The following CCDC178 variants were observed in gnomAD, a reference collection of about 807,000 sequenced individuals.
CCDC178 encodes coiled-coil domain-containing protein 178.
CCDC178 carries 126 observed loss-of-function variants against 117.4 expected under a neutral mutation model. That is an observed-to-expected ratio of 1.07 (90% confidence interval 0.93 to 1.24). CCDC178 has a LOEUF of 1.24. Among genes scored for constraint, CCDC178 ranks in the 50% most tolerant of loss-of-function variants. CCDC178 has a pLI of 0.00. For missense variants in CCDC178, 1,030 were observed against 986.9 expected, an observed-to-expected ratio of 1.04 and a Z score of -0.59; for synonymous variants, 283 against 313.4, an observed-to-expected ratio of 0.90 and a Z score of 1.02.
chr18:33,032,653 T>C (rs1255333437), intron 21 of CCDC178, among the ~76,000 whole-genome samples: 1 of 152,062 alleles, frequency 6.6e-6, no homozygotes, highest in African/African-American at 2.4e-5. Flanking sequence ...GGAAGGTTAC[T>C]GAGAAGGATG....
chr18:33,384,358 A>G (rs2063471214), intron 5 of CCDC178, among the ~76,000 whole-genome samples: 1 of 152,136 alleles, frequency 6.6e-6, no homozygotes, highest in Non-Finnish European at 1.5e-5. Flanking sequence ...CAGGAAATCC[A>G]GAGAACTCCA....
intron 17 of CCDC178, among the ~76,000 whole-genome samples, chr18:33,223,798 G>A (rs1298365991): frequency 3.9e-5 from 6 of 152,082 alleles, no homozygotes; most frequent in Non-Finnish European, 5.9e-5. Context: ...GTAAGGGGGA[G>A]CCATCATTAA....
chr18:33,329,874 AGAGTGTGTGTGTGT>A (rs1429624147), intron 10 of CCDC178, among the ~76,000 whole-genome samples: 4 of 75,364 alleles, frequency 5.3e-5, no homozygotes, highest in African/African-American at 1.1e-4. Flanking sequence ...GAGAATTATT[AGAGTGTGTGTGTGT>A]GTGTGTGTGT....
chr18:33,006,105 C>A (rs1289750840), intron 21 of CCDC178, among the ~76,000 whole-genome samples: 1 of 152,000 alleles, frequency 6.6e-6, no homozygotes, highest in Non-Finnish European at 1.5e-5. Context: ...GTATTAACAT[C>A]ATATTTTTAG....
At chr18:33,386,210 T>C (rs1383292963) in intron 5 of CCDC178, among the ~76,000 whole-genome samples, 1 of 152,080 alleles carries the variant, frequency 6.6e-6, no homozygotes, top group Non-Finnish European at 1.5e-5. Context: ...GAGGCAGTAA[T>C]AAATGGCCTA....
At chr18:33,060,673 C>T (rs1030383578) in intron 21 of CCDC178, among the ~76,000 whole-genome samples, 2 of 152,006 alleles carry the variant, frequency 1.3e-5, no homozygotes, top group Non-Finnish European at 2.9e-5. Context: ...AACACTGTTA[C>T]GCTGAAGTCA....
intron 18 of CCDC178, among the ~76,000 whole-genome samples, chr18:33,221,934 G>A (rs2059239761): frequency 1.3e-5 from 2 of 151,928 alleles, no homozygotes; most frequent in African/African-American, 4.8e-5. Context: ...ATGATTTTAA[G>A]TTATCTTTTG....
At chr18:33,386,004 C>T (rs369114599) in intron 5 of CCDC178, among the ~76,000 whole-genome samples, 7 of 152,012 alleles carry the variant, frequency 4.6e-5, no homozygotes, top group Non-Finnish European at 8.8e-5. Flanking sequence ...CAATCAGAAA[C>T]GATAAGGGGG....
intron 11 of CCDC178, among the ~76,000 whole-genome samples, chr18:33,322,468 C>CA (rs1191395017): frequency 3.3e-5 from 5 of 151,628 alleles, no homozygotes; most frequent in South Asian, 4.2e-4. Context: ...GAGTACATGC[C>CA]AAAAAATGCA....
At chr18:33,382,997 GGGA>G (rs912141402) in intron 5 of CCDC178, among the ~76,000 whole-genome samples, 130 of 152,276 alleles carry the variant, frequency 8.5e-4, no homozygotes, top group African/African-American at 2.8e-3. Context: ...CAGGGGCAGG[GGGA>G]GGGGATAGCG....
intron 14 of CCDC178, among the ~76,000 whole-genome samples, chr18:33,255,221 A>G (rs561404886): frequency 6.6e-6 from 1 of 152,160 alleles, no homozygotes; most frequent in Middle Eastern, 3.4e-3. Flanking sequence ...AGCCTGCAGA[A>G]CCATGAACTC....
chr18:33,349,046 C>T (rs941570480), intron 7 of CCDC178, 71 bp from the exon 8 acceptor site: 3 of 872,686 alleles, frequency 3.4e-6, no homozygotes, highest in African/African-American at 1.7e-5. Flanking sequence ...AGGTTATGCT[C>T]TTCTATTGAA....
intron 21 of CCDC178, among the ~76,000 whole-genome samples, chr18:33,061,751 T>A (rs1291045489): frequency 6.6e-6 from 1 of 152,200 alleles, no homozygotes; most frequent in Non-Finnish European, 1.5e-5. Context: ...ATTATTTAGA[T>A]GATCTATAAA....
At chr18:33,001,334 A>G (rs1767179028) in intron 21 of CCDC178, among the ~76,000 whole-genome samples, 1 of 152,066 alleles carries the variant, frequency 6.6e-6, no homozygotes, top group African/African-American at 2.4e-5. Flanking sequence ...CCTAGCTAAC[A>G]CAGTGAAACC....
At chr18:33,099,464 AGGGGATATAT>A (rs2057592155) in intron 20 of CCDC178, among the ~76,000 whole-genome samples, 1 of 151,980 alleles carries the variant, frequency 6.6e-6, no homozygotes, top group Non-Finnish European at 1.5e-5. Context: ...TAGCATGTAC[AGGGGATATAT>A]TTTAGAATAA....
At chr18:33,172,831 T>A (rs1598960276) in intron 20 of CCDC178, among the ~76,000 whole-genome samples, 1 of 152,198 alleles carries the variant, frequency 6.6e-6, no homozygotes, top group Non-Finnish European at 1.5e-5. Context: ...GAAGGATGCA[T>A]AATTCTTTCA....
intron 21 of CCDC178, among the ~76,000 whole-genome samples, chr18:33,005,044 A>G (rs2055719567): frequency 1.3e-5 from 2 of 152,112 alleles, no homozygotes; most frequent in Admixed American, 6.5e-5. Flanking sequence ...ACCACTATGG[A>G]AAATAGTTTG....
chr18:32,980,993 T>C (rs959246700), intron 21 of CCDC178, among the ~76,000 whole-genome samples: 1 of 152,156 alleles, frequency 6.6e-6, no homozygotes, highest in Non-Finnish European at 1.5e-5. Flanking sequence ...CTAATTGTCT[T>C]TGAAGTAATG....
intron 21 of CCDC178, among the ~76,000 whole-genome samples, chr18:33,076,255 A>G (rs2057205743): frequency 6.6e-6 from 1 of 152,176 alleles, no homozygotes; most frequent in South Asian, 2.1e-4. Context: ...GGACTTCCCC[A>G]GACATCCATG....
Sources: allele counts gnomAD v4.1 joint callset (sites outside exome capture counted in the v4.1 genomes callset), GRCh38; gene constraint gnomAD v4.1.1; transcripts MANE v1.5; gene names NCBI Gene and HGNC (gene_info 2026-07-23, HGNC 2026-07-21).